The following GSR variants were observed in gnomAD, a reference collection of about 807,000 sequenced individuals.
GSR encodes glutathione-disulfide reductase.
GSR carries 48 observed loss-of-function variants against 56.5 expected under a neutral mutation model. That is an observed-to-expected ratio of 0.85 (90% CI 0.67 to 1.08). The LOEUF is 1.08. GSR is among the 50% of genes least tolerant of loss of function. GSR has a pLI of 0.00. For synonymous variants in GSR, 264 were observed against 270.8 expected (o/e 0.97, Z 0.25); for missense variants, 694 against 703.3 (o/e 0.99, Z 0.15).
chr8:30,682,792 G>A (rs2880679), intron 10 of GSR, among the ~76,000 whole-genome samples: 27,641 of 151,536 alleles, frequency 0.18, 2,850 homozygotes, highest in East Asian at 0.35. Flanking sequence ...GAGCCACTGC[G>A]CCTAGAATCT....
intron 7 of GSR, among the ~76,000 whole-genome samples, chr8:30,695,539 A>G (rs1300525298): frequency 6.6e-6 from 1 of 152,074 alleles, no homozygotes; most frequent in Non-Finnish European, 1.5e-5. Flanking sequence ...CCAGTCTGCA[A>G]TTTATTTTTT....
intron 6 of GSR, among the ~76,000 whole-genome samples, chr8:30,697,575 CTA>C (rs1309367905): frequency 2.0e-5 from 3 of 152,156 alleles, no homozygotes; most frequent in Non-Finnish European, 4.4e-5. Flanking sequence ...CTGCAGTGAG[CTA>C]TGACTATACC....
At chr8:30,711,714 T>C (rs1586062195) in intron 2 of GSR, among the ~76,000 whole-genome samples, 1 of 152,188 alleles carries the variant, frequency 6.6e-6, no homozygotes, top group East Asian at 1.9e-4. Context: ...ACGCCTGTCA[T>C]CCCAGCTACT....
chr8:30,709,855 A>G lies in GSR; in HGVS notation c.381T>C (p.Ala127=). 6.3e-7 allele frequency: 1 copy of G among 1,598,022 alleles called. No homozygotes were observed. Among genetic ancestry groups the G allele is most frequent in the Non-Finnish European group, 8.6e-7 (1 of 1,166,274 alleles). ...CCTCACAACTTGGAAAGCCATAATC[A>G]GCATGATCATGCATGAATTCAGAGT... ...AVHSEFMHDH[A]DYGFPSCEGK... is the part of the protein sequence containing the mutation. Residue 127 remains alanine (A), a synonymous_variant, in exon 3 of 13, where the codon GCT becomes GCC. Transcript: ENST00000221130.
At chr8:30,705,622 C>G (rs1803894512) in intron 4 of GSR, among the ~76,000 whole-genome samples, 1 of 152,136 alleles carries the variant, frequency 6.6e-6, no homozygotes, top group Non-Finnish European at 1.5e-5. Context: ...GCCCAAGCTA[C>G]TCAGGGGGCT....
At chr8:30,720,212 C>G (rs1804484292) in intron 1 of GSR, among the ~76,000 whole-genome samples, 1 of 151,116 alleles carries the variant, frequency 6.6e-6, no homozygotes, top group African/African-American at 2.4e-5. Context: ...GACCCTGTCT[C>G]AAAAAAAAAT....
intron 2 of GSR, among the ~76,000 whole-genome samples, chr8:30,710,320 AAAT>A (rs978473967): frequency 6.6e-6 from 1 of 151,700 alleles, no homozygotes; most frequent in African/African-American, 2.4e-5. Flanking sequence ...TCAAAAGATA[AAAT>A]AATAATAATA....
chr8:30,721,291 T>C (rs1309501415), intron 1 of GSR, among the ~76,000 whole-genome samples: 34 of 152,072 alleles, frequency 2.2e-4, no homozygotes, highest in Admixed American at 2.2e-3. Flanking sequence ...ACTGCAGTAA[T>C]ATTTAATGTT....
intron 5 of GSR, 41 bp downstream of exon 5, chr8:30,703,052 A>G (rs1233801143): frequency 6.2e-7 from 1 of 1,603,264 alleles, no homozygotes; most frequent in Non-Finnish European, 8.5e-7. Flanking sequence ...GCAACAGTAA[A>G]CTCCTGACTG....
chr8:30,694,101 A>G (rs1362850467), intron 7 of GSR, among the ~76,000 whole-genome samples: 1 of 152,194 alleles, frequency 6.6e-6, no homozygotes, highest in Non-Finnish European at 1.5e-5. Context: ...CTATGAAAAA[A>G]TATTATTCAG....
In GSR at chr8:30,703,085, T is replaced by G. The variant is rs1213409353; in HGVS notation, c.640+8A>C. On this transcript the variant is annotated splice_region_variant and intron_variant, in intron 5 of 12. Coordinates refer to ENST00000221130, the MANE Select transcript of GSR (RefSeq NM_000637.5). ...CTGCTGTTAATGAGTACCTGTTGTATGACTCACCGGGGATCTGGCTCTCAT... is the reference window on the plus strand; with the variant it reads ...CTGCTGTTAATGAGTACCTGTTGTAGGACTCACCGGGGATCTGGCTCTCAT... 2.5e-6 allele frequency: 4 copies of G among 1,613,744 alleles called. No individual in the cohort carries two copies. Among genetic ancestry groups the G allele is most frequent in the Non-Finnish European group, 3.4e-6 (4 of 1,179,730 alleles).
chr8:30,707,131 A>T (rs1803946113), intron 4 of GSR: 1 of 152,204 alleles, frequency 6.6e-6, no homozygotes, highest in Non-Finnish European at 1.5e-5. Flanking sequence ...ACTCTGTCTC[A>T]AAAAACAAAC....
chr8:30,684,807 T>C (rs1403991202), intron 9 of GSR, among the ~76,000 whole-genome samples: 2 of 152,086 alleles, frequency 1.3e-5, no homozygotes, highest in Non-Finnish European at 2.9e-5. Context: ...TGGAGTGCAG[T>C]GGTGTGATCA....
At chr8:30,714,694 AT>A (rs1463362542) in intron 1 of GSR, among the ~76,000 whole-genome samples, 2 of 151,696 alleles carry the variant, frequency 1.3e-5, no homozygotes, top group Non-Finnish European at 2.9e-5. Context: ...TTAAATAAAA[AT>A]TAAAAATACT....
chr8:30,710,081 C>A (rs997251468), intron 2 of GSR, among the ~76,000 whole-genome samples, 179 bp from the exon 3 acceptor site: 6 of 151,658 alleles, frequency 4.0e-5, no homozygotes, highest in Admixed American at 3.9e-4. Flanking sequence ...TTTGGGAGCC[C>A]GAGGCAGGTG....
Position 30,689,324 on chromosome 8 carries a change from T to G in GSR, c.883-5A>C, listed in dbSNP as rs2303343. The G allele has an allele frequency of 9.8e-5, 158 of 1,613,444 alleles. 1 individual carries two copies. In the East Asian group the frequency reaches 3.5e-3, roughly 35 times the overall value. On this transcript the variant is annotated splice_polypyrimidine_tract_variant and splice_region_variant and intron_variant, in intron 8 of 12. Transcript: ENST00000221130. Reference sequence around the variant, plus strand: ...AGTCTTTTTAACCTCCTTGACCTATTGGCAAATAAAATGTGTTACACATGT... The same window carrying G: ...AGTCTTTTTAACCTCCTTGACCTATGGGCAAATAAAATGTGTTACACATGT...
chr8:30,687,125 C>T (rs371619109), intron 9 of GSR, among the ~76,000 whole-genome samples: 4 of 151,894 alleles, frequency 2.6e-5, no homozygotes, highest in Admixed American at 6.6e-5. Flanking sequence ...GTGTGAGCCA[C>T]GGCGCCTGGC....
At chr8:30,705,311 G>A (rs1803883995) in intron 4 of GSR, among the ~76,000 whole-genome samples, 1 of 151,710 alleles carries the variant, frequency 6.6e-6, no homozygotes, top group East Asian at 1.9e-4. Flanking sequence ...TGCCCAGGCT[G>A]GAGTGCAGTG....
Position 30,709,718 on chromosome 8 carries a change from G to C in GSR, c.422+96C>G. On this transcript the variant is annotated intron_variant, in intron 3 of 12. Transcript: ENST00000221130. ...AAATCTCGTATTGTGAATATTTACC[G>C]CAATTCCTCCTCCATCCCTAAAAAA... 4.0e-6 allele frequency: 3 copies of C among 746,878 alleles called. No homozygotes were observed. In the Admixed American group the frequency reaches 5.9e-5, roughly 15 times the overall value. 46.3% of individuals were successfully genotyped at this position (746,878 alleles called of 1,614,324 possible).
Sources: allele counts gnomAD v4.1 joint callset (sites outside exome capture counted in the v4.1 genomes callset), GRCh38; gene constraint gnomAD v4.1.1; transcripts MANE v1.5; gene names NCBI Gene and HGNC (gene_info 2026-07-23, HGNC 2026-07-21).